AGMO: variants seen among roughly 807,000 people sequenced by gnomAD.
AGMO encodes alkylglycerol monooxygenase, also known as glyceryl-ether monooxygenase.
Under a neutral mutation model 60.2 loss-of-function variants are expected in AGMO, and 75 were observed. The observed-to-expected ratio is 1.25, with a 90% CI of 1.03 to 1.51. The LOEUF (loss-of-function observed/expected upper bound fraction) is 1.51. Among genes scored for constraint, AGMO ranks in the 40% most tolerant of loss-of-function variants. The pLI, the probability that AGMO is intolerant of heterozygous loss-of-function variation, is 0.00. For synonymous variants in AGMO, 261 were observed against 177.1 expected (o/e 1.47, Z -3.76); for missense variants, 763 against 525.5 (o/e 1.45, Z -4.42).
At chr7:15,230,340 T>TA (rs201725248) in intron 12 of AGMO, among the ~76,000 whole-genome samples, 57 of 149,678 alleles carry the variant, frequency 3.8e-4, no homozygotes, top group Admixed American at 6.0e-4. Flanking sequence ...AAATTTAAGG[T>TA]AAAAAAAAAA....
At chr7:15,168,320 G>A in the AGMO span, among the ~76,000 whole-genome samples, 1 of 152,126 alleles carries the variant, frequency 6.6e-6, no homozygotes, top group Admixed American at 6.5e-5. Flanking sequence ...ATCAGAAAAA[G>A]CAATGAAAAA....
At position 15,322,723 on chromosome 7, in the gene AGMO, A is replaced by C. The variant is rs928490680; in HGVS notation, c.1263+42791T>G. Among the ~76,000 whole-genome samples, 5 of 68,508 alleles carry C rather than the reference A, an allele frequency of 7.3e-5. 1 individual carries two copies. Among genetic ancestry groups the C allele is most frequent in the African/African-American group, 4.5e-4 (5 of 11,164 alleles). 44.9% of individuals were successfully genotyped at this position (68,508 alleles called of 152,430 possible). A position where few individuals can be genotyped will look rare whatever the true frequency, so the allele number is the denominator to read the frequency against. On this transcript the variant is annotated intron_variant, in intron 12 of 12. Coordinates refer to ENST00000342526, the MANE Select transcript of AGMO (RefSeq NM_001004320.2). The stretch of plus-strand genomic sequence containing the variant: ...ATGTATAAATATATATAAATATATA[A>C]ATATATATATAAATATATAAATATA...
intron 12 of AGMO, among the ~76,000 whole-genome samples, chr7:15,299,886 C>CACACACACACA (rs774065679): frequency 3.5e-5 from 4 of 114,636 alleles, no homozygotes; most frequent in South Asian, 3.0e-4. Flanking sequence ...CACACACACA[C>CACACACACACA]AGTATGTTTT....
intron 12 of AGMO, among the ~76,000 whole-genome samples, chr7:15,219,350 T>C (rs1781845460): frequency 6.6e-6 from 1 of 152,130 alleles, no homozygotes; most frequent in Non-Finnish European, 1.5e-5. Flanking sequence ...TTCAATTAAG[T>C]ATTTATGAAT....
chr7:15,367,807 T>C (rs1783045045), intron 10 of AGMO, among the ~76,000 whole-genome samples: 2 of 151,990 alleles, frequency 1.3e-5, no homozygotes, highest in Middle Eastern at 3.2e-3. Flanking sequence ...TTGGCTAAAA[T>C]AGTGCCCAAA....
At chr7:15,516,168 T>C (rs1398605802) in intron 3 of AGMO, among the ~76,000 whole-genome samples, 1 of 152,032 alleles carries the variant, frequency 6.6e-6, no homozygotes, top group Admixed American at 6.5e-5. Flanking sequence ...ATAATGAAAT[T>C]ATTGGAAGTA....
At chr7:15,224,857 T>A (rs1050363401) in intron 12 of AGMO, among the ~76,000 whole-genome samples, 5 of 152,036 alleles carry the variant, frequency 3.3e-5, no homozygotes, top group Admixed American at 6.6e-5. Flanking sequence ...TTACAAATTT[T>A]AAAAAAAATG....
chr7:15,531,912 G>C (rs1208743247), intron 3 of AGMO, among the ~76,000 whole-genome samples: 1 of 151,762 alleles, frequency 6.6e-6, no homozygotes, highest in Non-Finnish European at 1.5e-5. Context: ...CAAGTGATCT[G>C]CCTGCCTTGG....
chr7:15,504,684 G>A (rs990008333), intron 3 of AGMO, among the ~76,000 whole-genome samples: 1 of 150,758 alleles, frequency 6.6e-6, no homozygotes, highest in Non-Finnish European at 1.5e-5. Flanking sequence ...ATAGATAACA[G>A]TACTTTCTAA....
the AGMO span, among the ~76,000 whole-genome samples, chr7:15,171,055 A>C: frequency 6.6e-6 from 1 of 151,866 alleles, no homozygotes; most frequent in Non-Finnish European, 1.5e-5. Context: ...AGCTCACTGA[A>C]AGCTCCGTCT....
rs71004386 is a variant in AGMO, at chr7:15,493,362, C to CCT, written c.409+51409_409+51410insAG. ...ACACACACACACACACACACACACACTTCTTTTTTTTTTTTTTTTTTTTTT... is the reference window on the plus strand; with the variant it reads ...ACACACACACACACACACACACACACCTTTCTTTTTTTTTTTTTTTTTTTTTT... On this transcript the variant is annotated intron_variant, in intron 3 of 12. Transcript: ENST00000342526. Among the ~76,000 whole-genome samples, 2 of 102,264 alleles carry CCT rather than the reference C, an allele frequency of 2.0e-5. 1 individual carries two copies. The highest frequency in any genetic ancestry group is 3.7e-5 in the Non-Finnish European group (2 of 54,676). The allele number at this position is 102,264 out of a possible 152,430, so 67.1% of individuals were successfully genotyped here.
At chr7:15,480,076 G>A (rs907153449) in intron 3 of AGMO, among the ~76,000 whole-genome samples, 6 of 152,054 alleles carry the variant, frequency 3.9e-5, no homozygotes, top group African/African-American at 4.8e-5. Flanking sequence ...AGTCAAAAGC[G>A]GTTACTATAG....
In AGMO at chr7:15,437,620, C is replaced by T. The variant is rs191884560; in HGVS notation, c.410-6512G>A. On this transcript the variant is annotated intron_variant, in intron 3 of 12. Coordinates refer to ENST00000342526, the MANE Select transcript of AGMO (RefSeq NM_001004320.2). ...TGGGATCTCCCCTCACTGCAAGCTC[C>T]GCCTCCAGGGTTCACCCCATTCTCC... Among the ~76,000 whole-genome samples the T allele has an allele frequency of 4.4e-3, 659 of 151,310 alleles. 5 individuals are homozygous for T. The highest frequency in any genetic ancestry group is 0.017 in the Middle Eastern group (5 of 290).
intron 10 of AGMO, among the ~76,000 whole-genome samples, chr7:15,379,150 A>C (rs1367066707): frequency 6.6e-6 from 1 of 152,022 alleles, no homozygotes; most frequent in East Asian, 1.9e-4. Flanking sequence ...TAGCACTAGA[A>C]GTCCACATCA....
chr7:15,522,388 G>T (rs941235479), intron 3 of AGMO, among the ~76,000 whole-genome samples: 11 of 152,050 alleles, frequency 7.2e-5, no homozygotes, highest in African/African-American at 2.4e-5. Flanking sequence ...AGCCTGTATA[G>T]CCAAGACAAT....
intron 12 of AGMO, among the ~76,000 whole-genome samples, chr7:15,312,060 TGAAAAA>T (rs1319878524): frequency 1.3e-5 from 2 of 148,838 alleles, no homozygotes; most frequent in African/African-American, 5.0e-5. Context: ...AGATGAAAAA[TGAAAAA>T]GAGAATGAGA....
chr7:15,268,890 T>C (rs1015022010), intron 12 of AGMO, among the ~76,000 whole-genome samples: 3 of 152,034 alleles, frequency 2.0e-5, no homozygotes, highest in Admixed American at 1.3e-4. Flanking sequence ...GGAATGCATC[T>C]TACTAGGACT....
At chr7:15,395,911 A>G (rs894188397) in intron 5 of AGMO, 2 of 152,162 alleles carry the variant, frequency 1.3e-5, no homozygotes, top group Non-Finnish European at 2.9e-5. Flanking sequence ...GGGTGACCAT[A>G]TCCTCAGCTT....
intron 10 of AGMO, among the ~76,000 whole-genome samples, chr7:15,379,477 G>C (rs1196829069): frequency 3.9e-5 from 6 of 151,994 alleles, no homozygotes; most frequent in African/African-American, 1.4e-4. Context: ...AAAATATTAT[G>C]AACACTTACA....
Sources: gnomAD v4.1 joint callset for allele counts (sites outside exome capture counted in the v4.1 genomes callset) on GRCh38, gnomAD v4.1.1 for gene constraint, MANE v1.5 for transcripts, NCBI Gene and HGNC (gene_info 2026-07-23, HGNC 2026-07-21) for gene names.